GABRG1: variants seen among roughly 807,000 people sequenced by gnomAD.
GABRG1 encodes the protein gamma-aminobutyric acid type A receptor subunit gamma1.
GABRG1 carries 49 observed loss-of-function variants against 49.8 expected under a neutral mutation model. That is an observed-to-expected ratio of 0.98 (90% CI 0.78 to 1.25). The LOEUF (loss-of-function observed/expected upper bound fraction) is 1.25. Among genes scored for constraint, GABRG1 ranks in the 50% most tolerant of loss-of-function variants. GABRG1 has a pLI of 0.00. For synonymous variants in GABRG1, 232 were observed against 185.1 expected, an observed-to-expected ratio of 1.25 and a Z score of -2.06; for missense variants, 552 against 552.3, an observed-to-expected ratio of 1.00 and a Z score of 0.01.
chr4:46,075,076 T>C (rs564784270), intron 3 of GABRG1, among the ~76,000 whole-genome samples: 7 of 151,690 alleles, frequency 4.6e-5, no homozygotes, highest in Admixed American at 3.3e-4. Context: ...GAAATTAATA[T>C]ATATATATTT....
Position 46,058,232 on chromosome 4 carries a change from C to A in GABRG1, c.901G>T (p.Ala301Ser). The change falls in exon 7 of 9, where the codon GCA (alanine) becomes TCA (serine). Residue 301 changes from alanine to serine, a missense_variant. Physicochemically the swap from Ala to Ser is moderately conservative, Grantham distance 99. Transcript: ENST00000295452. ...SFWINKDAVP[A>S]RTSLGITTVL... The stretch of plus-strand genomic sequence containing the variant: ...CATGTCATACCCAACGATGTTCTTG[C>A]AGGCACTGCATCTTTATTGATCCAA... 16 of 1,611,844 alleles carry A rather than the reference C, an allele frequency of 9.9e-6. No individual in the cohort carries two copies. Among genetic ancestry groups the A allele is most frequent in the Non-Finnish European group, 1.4e-5 (16 of 1,179,098 alleles).
chr4:46,076,894 T>C (rs13123515), intron 3 of GABRG1, among the ~76,000 whole-genome samples: 8,248 of 151,682 alleles, frequency 0.054, 370 homozygotes, highest in African/African-American at 0.11. Flanking sequence ...GTCTAGGGTG[T>C]GTATATATAT....
At chr4:46,067,137 T>C (rs1718948844) in intron 3 of GABRG1, among the ~76,000 whole-genome samples, 2 of 151,930 alleles carry the variant, frequency 1.3e-5, no homozygotes, top group African/African-American at 4.8e-5. Flanking sequence ...TACAAGTGGT[T>C]CATAAGTAAA....
chr4:46,103,296 A>AATC (rs374093790), intron 1 of GABRG1, among the ~76,000 whole-genome samples: 3 of 151,158 alleles, frequency 2.0e-5, no homozygotes, highest in Non-Finnish European at 4.4e-5. Context: ...GAGGCCATTT[A>AATC]CATACTTCAT....
At chr4:46,064,619 T>G (rs1027181825) in intron 4 of GABRG1, 96 bp from the exon 5 acceptor site, 1 of 547,246 alleles carries the variant, frequency 1.8e-6, no homozygotes, top group Admixed American at 3.4e-5. Flanking sequence ...TGTCATATGA[T>G]AATAGATTGT....
intron 7 of GABRG1, among the ~76,000 whole-genome samples, chr4:46,057,862 A>G (rs763164241): frequency 2.0e-5 from 3 of 152,130 alleles, no homozygotes; most frequent in Non-Finnish European, 4.4e-5. Context: ...ACTCAGCTAT[A>G]ACATAAAATA....
chr4:46,070,363 T>C (rs1719069940), intron 3 of GABRG1, among the ~76,000 whole-genome samples: 1 of 152,004 alleles, frequency 6.6e-6, no homozygotes, highest in South Asian at 2.1e-4. Flanking sequence ...AAACATTATA[T>C]TCACAGAACA....
chr4:46,053,093 T>C (rs1195374320), intron 7 of GABRG1, among the ~76,000 whole-genome samples: 3 of 151,970 alleles, frequency 2.0e-5, no homozygotes, highest in South Asian at 4.1e-4. Flanking sequence ...TCTTGCTTCG[T>C]AATTGTAGTA....
At chr4:46,063,082 G>A (rs1718765720) in intron 5 of GABRG1, among the ~76,000 whole-genome samples, 1 of 151,046 alleles carries the variant, frequency 6.6e-6, no homozygotes, top group African/African-American at 2.4e-5. Context: ...TCGTGAAAAT[G>A]GCCATCCTGC....
In GABRG1 at chr4:46,089,318, C is replaced by A. The variant is rs138131906; in HGVS notation, c.254-5265G>T. On this transcript the variant is annotated intron_variant, in intron 2 of 8. Coordinates refer to ENST00000295452, the MANE Select transcript of GABRG1 (RefSeq NM_173536.4). ...CATTATTTATACGTCAAGCCTTTAACTTACACCTAAGGCCACTTGATGTTA... is the reference window on the plus strand; with the variant it reads ...CATTATTTATACGTCAAGCCTTTAAATTACACCTAAGGCCACTTGATGTTA... 2.0e-5 allele frequency among the ~76,000 whole-genome samples: 3 copies of A among 152,220 alleles called. No homozygotes were observed. The East Asian group carries it at 5.8e-4, about 30-fold the overall frequency.
intron 5 of GABRG1, among the ~76,000 whole-genome samples, chr4:46,061,827 T>TTTG (rs1718700597): frequency 6.7e-6 from 1 of 150,152 alleles, no homozygotes; most frequent in South Asian, 2.1e-4. Flanking sequence ...TTTTTTTTTT[T>TTTG]GGTTTTGTTT....
At chr4:46,093,629 T>C (rs919459709) in intron 2 of GABRG1, among the ~76,000 whole-genome samples, 1 of 151,882 alleles carries the variant, frequency 6.6e-6, no homozygotes, top group Admixed American at 6.6e-5. Context: ...AAATGATAAA[T>C]ACTCGAGGTG....
intron 3 of GABRG1, among the ~76,000 whole-genome samples, chr4:46,068,872 C>T (rs1719013588): frequency 1.3e-5 from 2 of 151,978 alleles, no homozygotes; most frequent in Admixed American, 6.6e-5. Context: ...AACGAAAATA[C>T]AAGAGTTTCT....
At chr4:46,084,915 G>T in intron 2 of GABRG1, among the ~76,000 whole-genome samples, 1 of 151,434 alleles carries the variant, frequency 6.6e-6, no homozygotes, top group Non-Finnish European at 1.5e-5. Context: ...AAGACTTGTA[G>T]CCAATAAATA....
At chr4:46,061,201 A>G (rs778905303) in intron 5 of GABRG1, among the ~76,000 whole-genome samples, 1 of 152,144 alleles carries the variant, frequency 6.6e-6, no homozygotes, top group Non-Finnish European at 1.5e-5. Flanking sequence ...CTTGAATTCT[A>G]TCAATCAAGT....
chr4:46,101,605 A>T (rs2109434034), intron 1 of GABRG1, among the ~76,000 whole-genome samples: 1 of 151,814 alleles, frequency 6.6e-6, no homozygotes, highest in African/African-American at 2.4e-5. Flanking sequence ...AAGACAAATG[A>T]AATTATAATC....
chr4:46,111,342 G>T (rs1720706813), intron 1 of GABRG1, among the ~76,000 whole-genome samples: 1 of 150,990 alleles, frequency 6.6e-6, no homozygotes, highest in African/African-American at 2.4e-5. Flanking sequence ...ACAATTCAAA[G>T]GTGACTCAAA....
chr4:46,042,816 A>T (rs770147477), intron 8 of GABRG1, among the ~76,000 whole-genome samples: 73 of 152,030 alleles, frequency 4.8e-4, no homozygotes, highest in Non-Finnish European at 9.0e-4. Flanking sequence ...TATTCATATT[A>T]GAGACAAATG....
rs544700685 is a variant in GABRG1 at position 46,059,547 on chromosome 4, C to T, written c.626-925G>A. Among the ~76,000 whole-genome samples, 33 of 152,060 alleles carry T rather than the reference C, an allele frequency of 2.2e-4. No individual in the cohort carries two copies. In the South Asian group the frequency reaches 6.2e-3, roughly 29 times the overall value. On this transcript the variant is annotated intron_variant, in intron 5 of 8. Transcript: ENST00000295452. ...AGACCTATACAGGTGCTTGCCAACA[C>T]GAATGGCTACCCTTTTTTTTTAATT...
Sources: allele counts gnomAD v4.1 joint callset (sites outside exome capture counted in the v4.1 genomes callset), GRCh38; gene constraint gnomAD v4.1.1; transcripts MANE v1.5; gene names NCBI Gene and HGNC (gene_info 2026-07-23, HGNC 2026-07-21).